ESCO1: variants seen among roughly 807,000 people sequenced by gnomAD.
ESCO1 encodes the protein N-acetyltransferase ESCO1.
A neutral mutation model predicts 83.5 loss-of-function variants in ESCO1; 33 were observed. The observed-to-expected ratio is 0.40, with a 90% confidence interval of 0.30 to 0.53. The LOEUF (loss-of-function observed/expected upper bound fraction) is 0.53. ESCO1 is among the 20% of genes least tolerant of loss of function. ESCO1 has a pLI of 0.63. For synonymous variants in ESCO1, 332 were observed against 324.3 expected, an observed-to-expected ratio of 1.02 and a Z score of -0.25; for missense variants, 855 against 968.0, an observed-to-expected ratio of 0.88 and a Z score of 1.55.
Position 21,568,062 on chromosome 18 carries a change from T to G in ESCO1, c.1563A>C (p.Glu521Asp), listed in dbSNP as rs1481479872. The G allele has an allele frequency of 6.2e-7, 1 of 1,613,940 alleles. No homozygotes were observed. The highest frequency in any genetic ancestry group is 1.7e-5 in the Admixed American group (1 of 60,006). The change falls in exon 5 of 12, where the codon GAA (glutamate) becomes GAC (aspartate). Residue 521 changes from glutamate to aspartate, a missense_variant. By Grantham distance (45) the Glu-to-Asp change is conservative. Transcript: ENST00000269214. ...CAGTAACATTTTCCACTGGACTGTT[T>G]TCTAGCTTGGATTCCAAACATTGGC... Reference protein sequence around the residue: ...NFSQCLESKLENSPVENVTAA... With the variant: ...NFSQCLESKLDNSPVENVTAA...
chr18:21,563,919 TAA>T (rs11453582), intron 7 of ESCO1, among the ~76,000 whole-genome samples: 97 of 142,272 alleles, frequency 6.8e-4, no homozygotes, highest in Admixed American at 8.5e-4. Flanking sequence ...TGAGCAGGGT[TAA>T]AAAAAAAAAA....
chr18:21,585,945 C>T (rs1435758546), intron 1 of ESCO1, among the ~76,000 whole-genome samples: 1 of 152,086 alleles, frequency 6.6e-6, no homozygotes, highest in East Asian at 1.9e-4. Context: ...TTCTGGGGTA[C>T]ATGTGACATT....
intron 11 of ESCO1, among the ~76,000 whole-genome samples, chr18:21,532,260 TA>T (rs1374859408): frequency 2.6e-5 from 4 of 152,198 alleles, no homozygotes; most frequent in African/African-American, 7.2e-5. Context: ...AGCTTAATAT[TA>T]ATAGTGTTTA....
rs779691841 is a variant in ESCO1 at position 21,573,382 on chromosome 18, C to T, written c.1462G>A (p.Glu488Lys). 2 of 1,607,492 alleles carry T rather than the reference C, an allele frequency of 1.2e-6. No individual in the cohort carries two copies. Among genetic ancestry groups the T allele is most frequent in the Non-Finnish European group, 1.7e-6 (2 of 1,178,648 alleles). ...RAPENCHLAN[E>K]IKPSDPPLDN... ...AATGGTGGGTCAGAAGGTTTTATCT[C>T]ATTGGCCAAATGACAATTTTCAGGA... Residue 488 changes from glutamate (E) to lysine (K), a missense_variant, in exon 4 of 12, where the codon GAG (glutamate) becomes AAG (lysine). Around this residue, in one of 2 missense-constraint regions of ESCO1, gnomAD observed 726 missense variants for 699.5 expected, o/e 1.04. Transcript: ENST00000269214.
intron 6 of ESCO1, 29 bp from the exon 7 acceptor site, chr18:21,564,346 A>G: frequency 7.1e-7 from 1 of 1,406,816 alleles, no homozygotes. Flanking sequence ...ACTAAATGTT[A>G]CAGATCCAAG....
At chr18:21,584,621 G>C (rs2038548429) in intron 1 of ESCO1, among the ~76,000 whole-genome samples, 181 bp from the exon 2 acceptor site, 1 of 152,076 alleles carries the variant, frequency 6.6e-6, no homozygotes, top group African/African-American at 2.4e-5. Flanking sequence ...AGGAGTTTGA[G>C]ACCAGACTGG....
At chr18:21,564,691 C>A (rs551225772) in intron 6 of ESCO1, among the ~76,000 whole-genome samples, 3 of 151,790 alleles carry the variant, frequency 2.0e-5, no homozygotes, top group African/African-American at 4.8e-5. Flanking sequence ...CCACCGCGCC[C>A]GGCAAAAATA....
intron 1 of ESCO1, among the ~76,000 whole-genome samples, chr18:21,590,864 G>A (rs1370452658): frequency 6.6e-6 from 1 of 151,476 alleles, no homozygotes; most frequent in Non-Finnish European, 1.5e-5. Flanking sequence ...AGAACTGCTT[G>A]AACCCAGGAG....
chr18:21,560,765 A>T, intron 8 of ESCO1, 94 bp downstream of exon 8: 1 of 1,470,956 alleles, frequency 6.8e-7, no homozygotes. Context: ...AAAAACATAA[A>T]TTTTTCAGTG....
intron 1 of ESCO1, among the ~76,000 whole-genome samples, chr18:21,589,660 T>C (rs1344203639): frequency 6.6e-6 from 1 of 152,134 alleles, no homozygotes; most frequent in African/African-American, 2.4e-5. Context: ...TCTAAACAGC[T>C]GGGAAAGATT....
rs2038411471 is a variant in ESCO1, at chr18:21,575,778, C to T, written c.-693-1G>A. Reference sequence around the variant, plus strand: ...ATGCTCTTAACACATCACACAGCACCTGAAAGAAAAAGGGTTTTTTTTAAT... The same window carrying T: ...ATGCTCTTAACACATCACACAGCACTTGAAAGAAAAAGGGTTTTTTTTAAT... On this transcript the variant is annotated splice_acceptor_variant, in intron 2 of 11. Coordinates refer to ENST00000269214, the MANE Select transcript of ESCO1 (RefSeq NM_052911.3). LOFTEE classifies it low-confidence loss of function (5UTR_SPLICE). The T allele has an allele frequency of 1.0e-5, 4 of 398,002 alleles. No homozygotes were observed. Among genetic ancestry groups the T allele is most frequent in the Non-Finnish European group, 1.8e-5 (4 of 225,790 alleles). The allele number at this position is 398,002 out of a possible 1,614,324, so 24.7% of individuals were successfully genotyped here.
chr18:21,587,976 C>G (rs1598478930), intron 1 of ESCO1, among the ~76,000 whole-genome samples: 3 of 151,976 alleles, frequency 2.0e-5, no homozygotes, highest in East Asian at 3.9e-4. Flanking sequence ...ATAGTCCCAG[C>G]TACTCAGGAG....
At chr18:21,580,088 G>A (rs1038502968) in intron 2 of ESCO1, among the ~76,000 whole-genome samples, 4 of 151,412 alleles carry the variant, frequency 2.6e-5, no homozygotes, top group East Asian at 2.0e-4. Flanking sequence ...TAGTAGAGAC[G>A]GGTTTTCGGT....
At chr18:21,562,913 C>T (rs1211026437) in intron 7 of ESCO1, among the ~76,000 whole-genome samples, 2 of 147,810 alleles carry the variant, frequency 1.4e-5, no homozygotes, top group African/African-American at 2.5e-5. Flanking sequence ...CTCTTGTTGT[C>T]CAGGCTGGAG....
intron 8 of ESCO1, among the ~76,000 whole-genome samples, chr18:21,558,225 C>A (rs1295691029): frequency 6.6e-6 from 1 of 151,892 alleles, no homozygotes; most frequent in Non-Finnish European, 1.5e-5. Context: ...AAATAAAATT[C>A]ATTTCCCCAA....
In ESCO1 at chr18:21,595,049, G is replaced by T. The variant is rs1033779098; in HGVS notation, c.-825+5574C>A. 4.0e-5 allele frequency among the ~76,000 whole-genome samples: 6 copies of T among 151,466 alleles called. No individual in the cohort carries two copies. In the East Asian group the frequency reaches 7.8e-4, roughly 20 times the overall value. ...TTTTGTAGAGACGGGGTTTCGCCAT[G>T]TTGCCCAGGCTGGTCTCGAACTCCT... On this transcript the variant is annotated intron_variant, in intron 1 of 11. Transcript: ENST00000269214.
rs1278822510 is a variant in ESCO1, at chr18:21,574,478, T to C, written c.366A>G (p.Ser122=). The C allele has an allele frequency of 4.3e-6, 7 of 1,614,176 alleles. No homozygotes were observed. The South Asian group carries it at 7.7e-5, about 18-fold the overall frequency. Residue 122 remains serine, a synonymous_variant, in exon 4 of 12, where the codon TCA becomes TCG. Transcript: ENST00000269214. ...CCTCTGTTAATTGTTGTAGCCTTTG[T>C]GATCTCCGGTTAAGCTGTTCATTTG... ...PKANEQLNRR[S]QRLQQLTEVS...
At chr18:21,540,148 A>G in intron 8 of ESCO1, 139 bp from the exon 9 acceptor site, 1 of 753,442 alleles carries the variant, frequency 1.3e-6, no homozygotes, top group Non-Finnish European at 2.1e-6. Context: ...ATGCTCATTA[A>G]TGCTTAATAA....
chr18:21,543,650 CA>C (rs2146177954), intron 8 of ESCO1, among the ~76,000 whole-genome samples: 1 of 152,160 alleles, frequency 6.6e-6, no homozygotes, highest in African/African-American at 2.4e-5. Flanking sequence ...TTTAAAAGTT[CA>C]CATTAATCAC....
Sources: gnomAD v4.1 joint callset for allele counts (sites outside exome capture counted in the v4.1 genomes callset) on GRCh38, gnomAD v4.1.1 for gene constraint, gnomAD v4.1.1 regional missense constraint, MANE v1.5 for transcripts, NCBI Gene and HGNC (gene_info 2026-07-23, HGNC 2026-07-21) for gene names.